Variants in FAM135B observed in about 807,000 individuals in gnomAD.
FAM135B encodes the protein family with sequence similarity 135 member B, also known as protein FAM135B.
Under a neutral mutation model 127.7 loss-of-function variants are expected in FAM135B, and 43 were observed. The observed-to-expected ratio is 0.34, with a 90% CI of 0.26 to 0.43. The LOEUF is 0.43. Ranked by LOEUF, FAM135B falls within the 20% of genes least tolerant of loss-of-function variation. The pLI, the probability that FAM135B is intolerant of heterozygous loss-of-function variation, is 1.00. For synonymous variants in FAM135B, 670 were observed against 665.1 expected, an observed-to-expected ratio of 1.01 and a Z score of -0.11; for missense variants, 1,558 against 1,725.6, an observed-to-expected ratio of 0.90 and a Z score of 1.72.
chr8:138,236,311 G>T (rs139209458), intron 7 of FAM135B, among the ~76,000 whole-genome samples: 137 of 151,906 alleles, frequency 9.0e-4, no homozygotes, highest in South Asian at 2.7e-3. Flanking sequence ...GCACTCCCAC[G>T]TTCATTGGCG....
chr8:138,182,239 T>C (rs1282664963), intron 9 of FAM135B, among the ~76,000 whole-genome samples: 1 of 152,204 alleles, frequency 6.6e-6, no homozygotes, highest in Non-Finnish European at 1.5e-5. Context: ...TTAGATAAGG[T>C]TAAAGAAGCT....
In FAM135B at chr8:138,425,964, CATATATATATATATAT is replaced by C. The variant is rs11271386; in HGVS notation, c.-19-57978_-19-57963del. ...AGGAGTTCGAGACCAGCCAGGCCAACATATATATATATATATATATATATATATATATATATATATA... is the reference window on the plus strand; with the variant it reads ...AGGAGTTCGAGACCAGCCAGGCCAACATATATATATATATATATATATATA... On this transcript the variant is annotated intron_variant, in intron 1 of 19. Coordinates refer to ENST00000395297, the MANE Select transcript of FAM135B (RefSeq NM_015912.4). 8.8e-3 allele frequency among the ~76,000 whole-genome samples: 971 copies of C among 109,972 alleles called. 21 individuals carry two copies. The highest frequency in any genetic ancestry group is 0.013 in the Non-Finnish European group (697 of 54,000). The allele number at this position is 109,972 out of a possible 152,430, so 72.1% of individuals were successfully genotyped here.
chr8:138,365,101 C>T (rs1830659788), intron 2 of FAM135B, among the ~76,000 whole-genome samples: 1 of 152,126 alleles, frequency 6.6e-6, no homozygotes, highest in African/African-American at 2.4e-5. Flanking sequence ...CCTGTCTCAG[C>T]CTCCCAAAGT....
chr8:138,338,342 A>G (rs1334038912), intron 2 of FAM135B, among the ~76,000 whole-genome samples: 1 of 151,896 alleles, frequency 6.6e-6, no homozygotes, highest in Admixed American at 6.6e-5. Context: ...ATGGGAGAAA[A>G]TTTTTGCAAT....
At position 138,153,011 on chromosome 8, in the gene FAM135B, T is replaced by C; in HGVS notation, c.1464A>G (p.Thr488=). The change falls in exon 13 of 20, where the codon ACA becomes ACG. Residue 488 remains threonine (T), a synonymous_variant. Coordinates refer to ENST00000395297, the MANE Select transcript of FAM135B (RefSeq NM_015912.4). ...CAGAGCACATGTCCATATGATTTTGTGTGGCCACATTCTCACCTGGCTCTG... is the reference window on the plus strand; with the variant it reads ...CAGAGCACATGTCCATATGATTTTGCGTGGCCACATTCTCACCTGGCTCTG... ...RCPEPGENVA[T]QNHMDMCSES... 6 of 1,614,234 alleles carry C rather than the reference T, an allele frequency of 3.7e-6. No individual in the cohort carries two copies. The highest frequency in any genetic ancestry group is 5.1e-6 in the Non-Finnish European group (6 of 1,180,036).
chr8:138,382,957 G>C (rs1263118977), intron 1 of FAM135B, among the ~76,000 whole-genome samples: 1 of 152,164 alleles, frequency 6.6e-6, no homozygotes, highest in Admixed American at 6.5e-5. Flanking sequence ...GGATAGAGAG[G>C]ATGGAAACAG....
intron 2 of FAM135B, among the ~76,000 whole-genome samples, chr8:138,365,475 G>C (rs1053742406): frequency 6.6e-6 from 1 of 152,074 alleles, no homozygotes; most frequent in African/African-American, 2.4e-5. Context: ...TGCATTGTAA[G>C]TATTTATGCT....
intron 1 of FAM135B, among the ~76,000 whole-genome samples, chr8:138,481,686 C>T (rs1056694618): frequency 2.6e-5 from 4 of 152,198 alleles, no homozygotes; most frequent in Admixed American, 2.0e-4. Context: ...GCTTTATTCT[C>T]GCTTGAATGA....
At chr8:138,328,524 G>C (rs1447264803) in intron 2 of FAM135B, among the ~76,000 whole-genome samples, 1 of 152,208 alleles carries the variant, frequency 6.6e-6, no homozygotes, top group Non-Finnish European at 1.5e-5. Context: ...GCAAGTCCTA[G>C]AGAGCATTGT....
intron 1 of FAM135B, among the ~76,000 whole-genome samples, chr8:138,420,380 G>A (rs1834421392): frequency 6.6e-6 from 1 of 151,870 alleles, no homozygotes. Flanking sequence ...ATCATAAAAA[G>A]CCCTGGATCA....
At chr8:138,334,754 C>T (rs114895031) in intron 2 of FAM135B, among the ~76,000 whole-genome samples, 2,013 of 152,170 alleles carry the variant, frequency 0.013, 33 homozygotes, top group African/African-American at 0.045. Context: ...TAGTATTCTA[C>T]GGTGTATATG....
In FAM135B at chr8:138,152,977, C is replaced by T. The variant is rs2130787600; in HGVS notation, c.1498G>A (p.Val500Met). The T allele has an allele frequency of 1.2e-6, 2 of 1,614,190 alleles. No individual in the cohort carries two copies. The highest frequency in any genetic ancestry group is 2.2e-5 in the East Asian group (1 of 44,872). Residue 500 changes from valine (V) to methionine (M), a missense_variant, in exon 13 of 20, where the codon GTG becomes ATG. By Grantham distance (21) the Val-to-Met change is conservative. Transcript: ENST00000395297. ...TGAAATTCACCAATTGATATATACACCTGAGATTCAGAGCACATGTCCATA... is the reference window on the plus strand; with the variant it reads ...TGAAATTCACCAATTGATATATACATCTGAGATTCAGAGCACATGTCCATA... ...NHMDMCSESQ[V>M]YISIGEFQNK...
intron 2 of FAM135B, among the ~76,000 whole-genome samples, chr8:138,363,022 T>A (rs1830528783): frequency 6.6e-6 from 1 of 151,918 alleles, no homozygotes; most frequent in Admixed American, 6.6e-5. Context: ...TATGCAGAAA[T>A]GGTTGGGAGA....
At chr8:138,282,583 C>T (rs963680804) in intron 3 of FAM135B, among the ~76,000 whole-genome samples, 10 of 152,142 alleles carry the variant, frequency 6.6e-5, no homozygotes, top group Admixed American at 2.0e-4. Context: ...AAAGGTTATT[C>T]CACATCATAT....
At chr8:138,184,385 T>C (rs1242580256) in intron 9 of FAM135B, among the ~76,000 whole-genome samples, 1 of 152,120 alleles carries the variant, frequency 6.6e-6, no homozygotes, top group Non-Finnish European at 1.5e-5. Context: ...GAGTTGTCCC[T>C]GTGTTGGTTT....
At position 138,146,410 on chromosome 8, in the gene FAM135B, G is replaced by T. The variant is rs1586594315; in HGVS notation, c.3449-360C>A. 3.9e-5 allele frequency among the ~76,000 whole-genome samples: 6 copies of T among 152,218 alleles called. No homozygotes were observed. The South Asian group carries it at 1.2e-3, about 32-fold the overall frequency. On this transcript the variant is annotated intron_variant, in intron 14 of 19. Transcript: ENST00000395297. ...GCAGTTCTTTCGAATGGCTGATGGG[G>T]CACAATGCGACTCATACGAGCCCCA...
At chr8:138,353,548 A>C (rs2131133632) in intron 2 of FAM135B, among the ~76,000 whole-genome samples, 1 of 152,302 alleles carries the variant, frequency 6.6e-6, no homozygotes, top group South Asian at 2.1e-4. Context: ...TCAAATATAT[A>C]TAAATTGTGA....
At chr8:138,171,608 C>T (rs1229061764) in intron 11 of FAM135B, among the ~76,000 whole-genome samples, 1 of 152,178 alleles carries the variant, frequency 6.6e-6, no homozygotes, top group African/African-American at 2.4e-5. Context: ...AATTAATCAA[C>T]ATGGCATATG....
Position 138,152,102 on chromosome 8 carries a change from T to C in FAM135B, c.2373A>G (p.Gln791=), listed in dbSNP as rs2130756333. 1 of 1,613,930 alleles carries C rather than the reference T, an allele frequency of 6.2e-7. No homozygotes were observed. The highest frequency in any genetic ancestry group is 8.5e-7 in the Non-Finnish European group (1 of 1,180,034). Residue 791 remains glutamine (Q), a synonymous_variant, in exon 13 of 20, where the codon CAA becomes CAG. Coordinates refer to ENST00000395297, the MANE Select transcript of FAM135B (RefSeq NM_015912.4). ...CTGAAGGTTCAGCAAAACCTCCATCTTGCTGCTTGGTGTCCGCATCTTCAG... is the reference window on the plus strand; with the variant it reads ...CTGAAGGTTCAGCAAAACCTCCATCCTGCTGCTTGGTGTCCGCATCTTCAG... ...EAAEDADTKQ[Q]DGGFAEPSDM...
Sources: allele counts gnomAD v4.1 joint callset (sites outside exome capture counted in the v4.1 genomes callset), GRCh38; gene constraint gnomAD v4.1.1; transcripts MANE v1.5; gene names NCBI Gene and HGNC (gene_info 2026-07-23, HGNC 2026-07-21).